The following LHFPL3 variants were observed in gnomAD, a reference collection of about 807,000 sequenced individuals.
The protein encoded by LHFPL3 is LHFPL tetraspan subfamily member 3 protein.
Under a neutral mutation model 19.3 loss-of-function variants are expected in LHFPL3, and 5 were observed. The observed-to-expected ratio is 0.26, with a 90% CI of 0.14 to 0.54. The LOEUF is 0.54. LHFPL3 is among the 20% of genes least tolerant of loss of function. LHFPL3 has a pLI of 0.94. For missense variants in LHFPL3, 249 were observed against 307.4 expected, an observed-to-expected ratio of 0.81 and a Z score of 1.42; for synonymous variants, 133 against 126.2, an observed-to-expected ratio of 1.05 and a Z score of -0.36.
At chr7:104,552,294 G>A (rs1392690470) in intron 1 of LHFPL3, among the ~76,000 whole-genome samples, 2 of 152,186 alleles carry the variant, frequency 1.3e-5, no homozygotes, top group Non-Finnish European at 2.9e-5. Flanking sequence ...GGGTTTAGAC[G>A]TGTCAGCACC....
intron 1 of LHFPL3, among the ~76,000 whole-genome samples, chr7:104,671,508 A>T (rs2116042605): frequency 6.6e-6 from 1 of 151,704 alleles, no homozygotes; most frequent in South Asian, 2.1e-4. Context: ...GTCTTGATGT[A>T]AAATCCCATC....
chr7:104,368,469 T>C (rs1294214748), intron 1 of LHFPL3, among the ~76,000 whole-genome samples: 2 of 152,220 alleles, frequency 1.3e-5, no homozygotes, highest in African/African-American at 4.8e-5. Context: ...GCTACCTGAA[T>C]GCAGTGGATG....
chr7:104,655,875 C>G (rs528972988), intron 1 of LHFPL3, among the ~76,000 whole-genome samples: 1 of 152,120 alleles, frequency 6.6e-6, no homozygotes, highest in South Asian at 2.1e-4. Flanking sequence ...AAGGTTAGAA[C>G]TAGTTATTAT....
intron 1 of LHFPL3, among the ~76,000 whole-genome samples, chr7:104,686,166 C>T (rs181844153): frequency 2.6e-5 from 4 of 152,274 alleles, no homozygotes; most frequent in Admixed American, 2.6e-4. Flanking sequence ...GGTCCTGTTA[C>T]CTACCTCAGA....
rs1192577131 is a variant in LHFPL3, at chr7:104,716,224, G to A, written c.446-20451G>A. ...TAGCCAGGTGTGATGGCTTGTGCCT[G>A]TAGTCCCAGCTATTTGGGAGGCTGA... is the stretch of plus-strand genomic sequence containing the variant. On this transcript the variant is annotated intron_variant, in intron 1 of 2. Coordinates refer to ENST00000424859, the MANE Select transcript of LHFPL3 (RefSeq NM_199000.3). 4.6e-5 allele frequency among the ~76,000 whole-genome samples: 7 copies of A among 152,152 alleles called. No individual in the cohort carries two copies. In the East Asian group the frequency reaches 7.7e-4, roughly 17 times the overall value.
chr7:104,383,287 C>A (rs1790866539), intron 1 of LHFPL3, among the ~76,000 whole-genome samples: 1 of 152,298 alleles, frequency 6.6e-6, no homozygotes, highest in Admixed American at 6.5e-5. Context: ...AGTGTAAGTA[C>A]AAACTATAGG....
chr7:104,753,716 C>G (rs1032870886), intron 2 of LHFPL3, among the ~76,000 whole-genome samples: 1 of 151,632 alleles, frequency 6.6e-6, no homozygotes, highest in Non-Finnish European at 1.5e-5. Flanking sequence ...AAAAAAAAAG[C>G]TCAATTACAA....
chr7:104,573,328 C>G (rs1790263039), intron 1 of LHFPL3, among the ~76,000 whole-genome samples: 2 of 151,120 alleles, frequency 1.3e-5, no homozygotes, highest in Admixed American at 1.3e-4. Flanking sequence ...ACAAGAATCA[C>G]TTGAACCTGG....
chr7:104,683,085 G>A (rs776654402), intron 1 of LHFPL3, among the ~76,000 whole-genome samples: 2 of 152,166 alleles, frequency 1.3e-5, no homozygotes, highest in Non-Finnish European at 2.9e-5. Flanking sequence ...CACCTCCCGG[G>A]TTCAAGCAAT....
intron 1 of LHFPL3, among the ~76,000 whole-genome samples, chr7:104,597,659 A>G (rs146413930): frequency 2.6e-5 from 4 of 152,332 alleles, no homozygotes; most frequent in African/African-American, 4.8e-5. Flanking sequence ...AACTAGAATT[A>G]TCTTTGCCAA....
intron 1 of LHFPL3, among the ~76,000 whole-genome samples, chr7:104,343,845 C>G (rs1327008359): frequency 6.6e-6 from 1 of 151,918 alleles, no homozygotes; most frequent in Non-Finnish European, 1.5e-5. Context: ...TTTCTTGAGT[C>G]TTGAGTTTTG....
At chr7:104,601,022 G>A (rs1239199292) in intron 1 of LHFPL3, among the ~76,000 whole-genome samples, 1 of 152,162 alleles carries the variant, frequency 6.6e-6, no homozygotes, top group Non-Finnish European at 1.5e-5. Context: ...TCCATTTACT[G>A]GCAATGGAGC....
At chr7:104,395,114 C>A (rs889346835) in intron 1 of LHFPL3, among the ~76,000 whole-genome samples, 2 of 152,058 alleles carry the variant, frequency 1.3e-5, no homozygotes, top group Non-Finnish European at 2.9e-5. Flanking sequence ...ATTGGCATGA[C>A]AGACACAGAG....
chr7:104,596,035 C>G (rs751700384), intron 1 of LHFPL3, among the ~76,000 whole-genome samples: 41 of 152,352 alleles, frequency 2.7e-4, no homozygotes, highest in Middle Eastern at 3.4e-3. Flanking sequence ...CAATACCCCA[C>G]CCTGCTTTGG....
intron 1 of LHFPL3, among the ~76,000 whole-genome samples, chr7:104,625,399 C>T (rs118080528): frequency 0.02 from 3,116 of 152,286 alleles, 34 homozygotes; most frequent in Middle Eastern, 0.034. Flanking sequence ...AAGTGCTGCA[C>T]GCCTCAGTTC....
rs552583091 is a variant in LHFPL3 at position 104,845,530 on chromosome 7, C to T, written c.683-60657C>T. The T allele has an allele frequency of 1.0e-5, 14 of 1,395,100 alleles. No individual in the cohort carries two copies. In the South Asian group the frequency reaches 1.5e-4, roughly 15 times the overall value. The allele number at this position is 1,395,100 out of a possible 1,614,324, so 86.4% of individuals were successfully genotyped here. On this transcript the variant is annotated intron_variant, in intron 2 of 2. Transcript: ENST00000424859. Reference sequence around the variant, plus strand: ...GCTGTTTTCTGATTCCCGCTTTCAGCGCTTAGCACTTGAGCCGCATGAAAC... The same window carrying T: ...GCTGTTTTCTGATTCCCGCTTTCAGTGCTTAGCACTTGAGCCGCATGAAAC...
intron 1 of LHFPL3, among the ~76,000 whole-genome samples, chr7:104,458,995 G>A (rs1287866630): frequency 6.6e-6 from 1 of 152,218 alleles, no homozygotes; most frequent in Non-Finnish European, 1.5e-5. Context: ...TTCAGCAGCA[G>A]CCTCCTGTGC....
At chr7:104,686,661 C>A (rs1792812135) in intron 1 of LHFPL3, among the ~76,000 whole-genome samples, 1 of 152,156 alleles carries the variant, frequency 6.6e-6, no homozygotes, top group African/African-American at 2.4e-5. Flanking sequence ...AGACTGCCCC[C>A]CATTTCAGCT....
At chr7:104,740,117 C>T (rs1242743837) in intron 2 of LHFPL3, among the ~76,000 whole-genome samples, 1 of 152,170 alleles carries the variant, frequency 6.6e-6, no homozygotes, top group African/African-American at 2.4e-5. Flanking sequence ...CTTCTCTCTC[C>T]TGCTGCCATG....
Sources: gnomAD v4.1 joint callset for allele counts (sites outside exome capture counted in the v4.1 genomes callset) on GRCh38, gnomAD v4.1.1 for gene constraint, MANE v1.5 for transcripts, NCBI Gene and HGNC (gene_info 2026-07-23, HGNC 2026-07-21) for gene names.